Variants in SRGAP3 observed in about 807,000 individuals in gnomAD.
The protein encoded by SRGAP3 is SLIT-ROBO Rho GTPase-activating protein 3.
A neutral mutation model predicts 121.1 loss-of-function variants in SRGAP3; 39 were observed. The observed-to-expected ratio is 0.32, with a 90% confidence interval of 0.25 to 0.42. The LOEUF is 0.42. SRGAP3 is among the 10% of genes least tolerant of loss of function. The pLI, the probability that SRGAP3 is intolerant of heterozygous loss-of-function variation, is 1.00. For synonymous variants in SRGAP3, 601 were observed against 570.0 expected (o/e 1.05, Z -0.77); for missense variants, 1,213 against 1,470.6 (o/e 0.82, Z 2.86).
At chr3:9,128,021 C>A (rs1162245743) in intron 1 of SRGAP3, among the ~76,000 whole-genome samples, 1 of 151,644 alleles carries the variant, frequency 6.6e-6, no homozygotes, top group Non-Finnish European at 1.5e-5. Context: ...TAAATGTGCT[C>A]ATTTTTGGGG....
Position 9,329,536 on chromosome 3 carries a change from C to T in SRGAP3, n.283+992G>A, listed in dbSNP as rs140294927. Among the ~76,000 whole-genome samples, 489 of 152,258 alleles carry T rather than the reference C, an allele frequency of 3.2e-3. 4 individuals carry two copies. The highest frequency in any genetic ancestry group is 0.011 in the African/African-American group (463 of 41,544). On this transcript the variant is annotated intron_variant and non_coding_transcript_variant, in intron 2 of 3. Coordinates refer to the SRGAP3 transcript ENST00000490889. ...GGCCCCTCATCTTTAACCCAACCTC[C>T]GACTAGAAATTTCAACACATGGTGT...
intron 1 of SRGAP3, among the ~76,000 whole-genome samples, chr3:9,133,203 C>T (rs546587280): frequency 1.3e-5 from 2 of 152,132 alleles, no homozygotes; most frequent in South Asian, 2.1e-4. Flanking sequence ...TCCTGGAGGC[C>T]GGGCACAGTG....
At chr3:9,076,956 CTTTTTATATTA>C (rs1947000011) in intron 4 of SRGAP3, among the ~76,000 whole-genome samples, 1 of 152,062 alleles carries the variant, frequency 6.6e-6, no homozygotes, top group Non-Finnish European at 1.5e-5. Flanking sequence ...ACACACTACT[CTTTTTATATTA>C]TTATTATTAT....
chr3:9,232,859 G>A (rs1381116627), intron 1 of SRGAP3, among the ~76,000 whole-genome samples: 1 of 152,174 alleles, frequency 6.6e-6, no homozygotes, highest in African/African-American at 2.4e-5. Context: ...ACCACACTGG[G>A]AGAAACACAC....
chr3:9,019,366 C>T (rs1198555038), intron 14 of SRGAP3, among the ~76,000 whole-genome samples: 1 of 152,230 alleles, frequency 6.6e-6, no homozygotes, highest in Admixed American at 6.5e-5. Flanking sequence ...CTGCCCCTGG[C>T]ATATCATCAG....
Position 9,124,858 on chromosome 3 carries a change from G to A in SRGAP3, c.127C>T (p.Leu43=), listed in dbSNP as rs1949159448. ...KCLEQQSESR[L]QLLQDLQEFF... ...TCCTGGAGGTCTTGAAGCAGCTGCAGTCGCGACTCTGATTGCTGCTCCAGA... is the reference window on the plus strand; with the variant it reads ...TCCTGGAGGTCTTGAAGCAGCTGCAATCGCGACTCTGATTGCTGCTCCAGA... Residue 43 remains leucine (L), a synonymous_variant, in exon 2 of 22, where the codon CTG becomes TTG. Coordinates refer to ENST00000383836, the MANE Select transcript of SRGAP3 (RefSeq NM_014850.4). The A allele has an allele frequency of 6.2e-7, 1 of 1,614,102 alleles. No individual in the cohort carries two copies. The highest frequency in any genetic ancestry group is 1.3e-5 in the African/African-American group (1 of 74,952).
In SRGAP3 at chr3:9,013,723, G is replaced by A. The variant is rs1273536136; in HGVS notation, c.1919+14C>T. The A allele has an allele frequency of 6.2e-7, 1 of 1,613,644 alleles. No homozygotes were observed. Among genetic ancestry groups the A allele is most frequent in the Non-Finnish European group, 8.5e-7 (1 of 1,179,772 alleles). Reference sequence around the variant, plus strand: ...GGCCTGAGTCAAAAAGGGGCCCCTTGGCCAGACACTCACTGGTTGAGGAAA... The same window carrying A: ...GGCCTGAGTCAAAAAGGGGCCCCTTAGCCAGACACTCACTGGTTGAGGAAA... On this transcript the variant is annotated intron_variant, in intron 16 of 21. Transcript: ENST00000383836.
At chr3:9,151,364 C>T (rs937913501) in intron 1 of SRGAP3, among the ~76,000 whole-genome samples, 3 of 152,064 alleles carry the variant, frequency 2.0e-5, no homozygotes, top group Admixed American at 6.5e-5. Context: ...ATGTGGAGAA[C>T]GTGGAAGGGC....
At chr3:9,075,585 C>T (rs1209276596) in intron 4 of SRGAP3, among the ~76,000 whole-genome samples, 1 of 152,186 alleles carries the variant, frequency 6.6e-6, no homozygotes, top group Admixed American at 6.5e-5. Flanking sequence ...CAGATAGAGA[C>T]AAGCCTTTTC....
intron 3 of SRGAP3, chr3:9,292,795 C>T (rs1283734691): frequency 1.3e-5 from 2 of 152,252 alleles, no homozygotes; most frequent in East Asian, 1.9e-4. Context: ...ATAAGCACCC[C>T]TTCCTTCTCC....
At chr3:9,042,631 G>T (rs368334663) in intron 10 of SRGAP3, among the ~76,000 whole-genome samples, 9 of 152,198 alleles carry the variant, frequency 5.9e-5, no homozygotes, top group South Asian at 2.1e-4. Flanking sequence ...AAGGAGAAAA[G>T]TTCGGTAAAA....
intron 10 of SRGAP3, among the ~76,000 whole-genome samples, chr3:9,047,075 G>A (rs1369406389): frequency 3.3e-5 from 5 of 152,016 alleles, no homozygotes; most frequent in East Asian, 1.9e-4. Context: ...CTCGTGATCC[G>A]CCCACCTCAG....
At chr3:9,081,335 T>C (rs1947236310) in intron 3 of SRGAP3, 3 of 454,758 alleles carry the variant, frequency 6.6e-6, no homozygotes, top group African/African-American at 4.0e-5. Flanking sequence ...AAGTACAGGT[T>C]GGCAGAAAGG....
At chr3:9,188,414 T>C (rs1470828483) in intron 1 of SRGAP3, among the ~76,000 whole-genome samples, 3 of 152,230 alleles carry the variant, frequency 2.0e-5, no homozygotes, top group Admixed American at 1.3e-4. Context: ...GAGAAGGGCA[T>C]GAAAGATAAT....
At chr3:9,201,499 G>A (rs889895343) in intron 1 of SRGAP3, among the ~76,000 whole-genome samples, 19 of 152,330 alleles carry the variant, frequency 1.2e-4, no homozygotes, top group Middle Eastern at 3.4e-3. Context: ...GGCAAGGAGC[G>A]TCCCCGCCCT....
At chr3:8,993,786 A>G (rs1211993019) in intron 19 of SRGAP3, among the ~76,000 whole-genome samples, 1 of 152,176 alleles carries the variant, frequency 6.6e-6, no homozygotes, top group African/African-American at 2.4e-5. Context: ...GAGCCTGACC[A>G]GAGCTCCCAA....
intron 1 of SRGAP3, among the ~76,000 whole-genome samples, chr3:9,202,737 C>T (rs1952111149): frequency 6.6e-6 from 1 of 152,244 alleles, no homozygotes; most frequent in African/African-American, 2.4e-5. Context: ...GGACTCTGTG[C>T]CTCGCAGCTG....
intron 12 of SRGAP3, among the ~76,000 whole-genome samples, chr3:9,032,282 G>A (rs1944524819): frequency 6.6e-6 from 1 of 152,228 alleles, no homozygotes; most frequent in South Asian, 2.1e-4. Context: ...CTTGGGAGAT[G>A]TAGGTGTGAA....
At chr3:9,085,079 T>C (rs1560109431) in intron 3 of SRGAP3, among the ~76,000 whole-genome samples, 1 of 152,228 alleles carries the variant, frequency 6.6e-6, no homozygotes, top group Non-Finnish European at 1.5e-5. Context: ...TATTTGTTCA[T>C]TCATTTATCA....
Sources: allele counts gnomAD v4.1 joint callset (sites outside exome capture counted in the v4.1 genomes callset), GRCh38; gene constraint gnomAD v4.1.1; transcripts MANE v1.5; gene names NCBI Gene and HGNC (gene_info 2026-07-23, HGNC 2026-07-21).